Variants in KCNJ3 observed in about 807,000 individuals in gnomAD.
KCNJ3 encodes potassium inwardly rectifying channel subfamily J member 3.
Under a neutral mutation model 39.2 loss-of-function variants are expected in KCNJ3, and 4 were observed. The observed-to-expected ratio is 0.10, with a 90% CI of 0.05 to 0.23. The LOEUF is 0.23. Ranked by LOEUF, KCNJ3 falls within the 10% of genes least tolerant of loss-of-function variation. The probability of loss-of-function intolerance (pLI) is 1.00; values close to 1 mark genes in which losing one functional copy is unlikely to be tolerated. For synonymous variants in KCNJ3, 230 were observed against 237.4 expected (o/e 0.97, Z 0.29); for missense variants, 276 against 634.9 (o/e 0.43, Z 6.08).
chr2:154,755,983 C>G (rs191272161), intron 2 of KCNJ3, among the ~76,000 whole-genome samples: 4 of 152,166 alleles, frequency 2.6e-5, no homozygotes, highest in African/African-American at 4.8e-5. Context: ...TGCCATTTTT[C>G]TTGCACATCA....
intron 2 of KCNJ3, among the ~76,000 whole-genome samples, chr2:154,777,494 A>T (rs905237478): frequency 5.9e-5 from 9 of 152,274 alleles, no homozygotes; most frequent in African/African-American, 2.2e-4. Flanking sequence ...CTATCAAAAA[A>T]TTTTATTTAT....
At chr2:154,712,516 C>A (rs3111021) in intron 2 of KCNJ3, among the ~76,000 whole-genome samples, 6,804 of 152,178 alleles carry the variant, frequency 0.045, 336 homozygotes, top group African/African-American at 0.12. Context: ...TTCAGTCACT[C>A]ATGTATTAGA....
At chr2:154,706,151 C>T (rs1006627546) in intron 1 of KCNJ3, among the ~76,000 whole-genome samples, 14 of 151,916 alleles carry the variant, frequency 9.2e-5, no homozygotes, top group Admixed American at 3.3e-4. Context: ...TTAGCGATCG[C>T]TTTGAATTTG....
rs1171006363 is a variant in KCNJ3, at chr2:154,857,032, A to G, written c.*1719A>G. 1 of 152,174 alleles carries G rather than the reference A, an allele frequency of 6.6e-6. No individual in the cohort carries two copies. Among genetic ancestry groups the G allele is most frequent in the African/African-American group, 2.4e-5 (1 of 41,454 alleles). 9.4% of individuals were successfully genotyped at this position (152,174 alleles called of 1,614,324 possible). Reference sequence around the variant, plus strand: ...AAATTAATACATCAACACTTAAATCATTGACTATAATAATACCTTCTGGCT... The same window carrying G: ...AAATTAATACATCAACACTTAAATCGTTGACTATAATAATACCTTCTGGCT... On this transcript the variant is annotated 3_prime_UTR_variant, in exon 3 of 3. Transcript: ENST00000295101.
intron 2 of KCNJ3, among the ~76,000 whole-genome samples, chr2:154,839,708 G>A (rs1211880418): frequency 6.6e-6 from 1 of 152,118 alleles, no homozygotes; most frequent in African/African-American, 2.4e-5. Flanking sequence ...TTTTTCATAT[G>A]TTTGTTGGCC....
chr2:154,731,251 T>C (rs1179967320), intron 2 of KCNJ3, among the ~76,000 whole-genome samples: 1 of 152,126 alleles, frequency 6.6e-6, no homozygotes, highest in Non-Finnish European at 1.5e-5. Context: ...TCTGAAATTC[T>C]GCCTATCAAA....
rs1405941704 is a variant in KCNJ3, at chr2:154,704,869, GCA to G, written c.703-4723_703-4722del. ...TATGACTGCAGCATATATTCAGCAT[GCA>G]CACACACACATAAATGCATATTACA... On this transcript the variant is annotated intron_variant, in intron 1 of 2. Transcript: ENST00000295101. Among the ~76,000 whole-genome samples, 26 of 152,096 alleles carry G rather than the reference GCA, an allele frequency of 1.7e-4. No individual in the cohort carries two copies. The South Asian group carries it at 5.0e-3, about 29-fold the overall frequency.
intron 2 of KCNJ3, among the ~76,000 whole-genome samples, chr2:154,841,574 G>C (rs1329977618): frequency 6.6e-6 from 1 of 151,986 alleles, no homozygotes; most frequent in Non-Finnish European, 1.5e-5. Context: ...GACTTTTTTT[G>C]GTTGGTAGCT....
At chr2:154,837,130 T>A (rs903195516) in intron 2 of KCNJ3, among the ~76,000 whole-genome samples, 1 of 152,196 alleles carries the variant, frequency 6.6e-6, no homozygotes, top group African/African-American at 2.4e-5. Flanking sequence ...AATGATTGCA[T>A]GACGATAAAG....
chr2:154,826,849 A>C (rs1472522497), intron 2 of KCNJ3, among the ~76,000 whole-genome samples: 1 of 152,136 alleles, frequency 6.6e-6, no homozygotes, highest in Non-Finnish European at 1.5e-5. Context: ...GGGCGGGGTG[A>C]TATTTTCTGC....
intron 2 of KCNJ3, among the ~76,000 whole-genome samples, chr2:154,746,632 G>A (rs200382552): frequency 2.7e-5 from 3 of 110,036 alleles, no homozygotes; most frequent in Admixed American, 8.3e-5. Flanking sequence ...ATATATATAT[G>A]TATATATGTG....
intron 2 of KCNJ3, among the ~76,000 whole-genome samples, chr2:154,776,449 C>T (rs1162798817): frequency 6.6e-6 from 1 of 152,054 alleles, no homozygotes; most frequent in Non-Finnish European, 1.5e-5. Context: ...AAATCACGTA[C>T]ACATAATATA....
intron 2 of KCNJ3, among the ~76,000 whole-genome samples, chr2:154,722,890 T>C (rs1685288575): frequency 3.3e-5 from 5 of 152,186 alleles, no homozygotes; most frequent in Admixed American, 1.3e-4. Context: ...ACTCAAAGTA[T>C]GTAACATTTA....
intron 2 of KCNJ3, among the ~76,000 whole-genome samples, chr2:154,838,840 T>C (rs1687517870): frequency 6.6e-6 from 1 of 152,242 alleles, no homozygotes; most frequent in Admixed American, 6.5e-5. Context: ...CTTTATACGA[T>C]ATTTCAAAAG....
intron 2 of KCNJ3, among the ~76,000 whole-genome samples, chr2:154,853,157 A>G (rs1223351648): frequency 6.6e-6 from 1 of 151,662 alleles, no homozygotes; most frequent in African/African-American, 2.4e-5. Context: ...AAAAAAAAAA[A>G]GAGGGAAGAA....
At chr2:154,818,586 T>C (rs564976068) in intron 2 of KCNJ3, among the ~76,000 whole-genome samples, 1 of 152,274 alleles carries the variant, frequency 6.6e-6, no homozygotes, top group Non-Finnish European at 1.5e-5. Flanking sequence ...ATGAAGAAAC[T>C]GAAGCTTAGA....
intron 2 of KCNJ3, among the ~76,000 whole-genome samples, chr2:154,710,723 A>G (rs768860825): frequency 1.1e-4 from 16 of 152,160 alleles, no homozygotes; most frequent in Non-Finnish European, 1.9e-4. Flanking sequence ...TTCTACCACT[A>G]TCATCTGAAT....
intron 2 of KCNJ3, among the ~76,000 whole-genome samples, chr2:154,780,604 G>T (rs1574459957): frequency 6.6e-6 from 1 of 151,782 alleles, no homozygotes; most frequent in South Asian, 2.1e-4. Flanking sequence ...AGTGAGGGGG[G>T]TTGGGGGTCA....
chr2:154,776,281 C>T (rs971632536), intron 2 of KCNJ3, among the ~76,000 whole-genome samples: 1 of 152,046 alleles, frequency 6.6e-6, no homozygotes, highest in African/African-American at 2.4e-5. Flanking sequence ...GGAGTACAGG[C>T]GTGAGCCACC....
Sources: gnomAD v4.1 joint callset for allele counts (sites outside exome capture counted in the v4.1 genomes callset) on GRCh38, gnomAD v4.1.1 for gene constraint, MANE v1.5 for transcripts, NCBI Gene and HGNC (gene_info 2026-07-23, HGNC 2026-07-21) for gene names.